Variants in PTPN9 observed in about 807,000 individuals in gnomAD.
The protein encoded by PTPN9 is tyrosine-protein phosphatase non-receptor type 9.
A neutral mutation model predicts 69.8 loss-of-function variants in PTPN9; 26 were observed. The ratio of observed to expected loss-of-function variants is 0.37; its 90% CI spans 0.27 to 0.52. The LOEUF (loss-of-function observed/expected upper bound fraction) is 0.52. Among genes scored for constraint, PTPN9 ranks in the 20% least tolerant of loss-of-function variants. The pLI is 0.91. For synonymous variants in PTPN9, 274 were observed against 272.5 expected, an observed-to-expected ratio of 1.01 and a Z score of -0.05; for missense variants, 549 against 740.3, an observed-to-expected ratio of 0.74 and a Z score of 3.00.
At chr15:75,557,445 A>C (rs934894333) in intron 1 of PTPN9, among the ~76,000 whole-genome samples, 31 of 151,932 alleles carry the variant, frequency 2.0e-4, no homozygotes, top group African/African-American at 7.5e-4. Context: ...ACACAAAAAA[A>C]CAAAAAAGAG....
intron 7 of PTPN9, among the ~76,000 whole-genome samples, chr15:75,502,533 G>C: frequency 6.6e-6 from 1 of 151,662 alleles, no homozygotes; most frequent in East Asian, 1.9e-4. Flanking sequence ...GTGTGGGTGT[G>C]TATATATATA....
chr15:75,556,689 T>C (rs1290621072), intron 1 of PTPN9, among the ~76,000 whole-genome samples: 1 of 152,208 alleles, frequency 6.6e-6, no homozygotes, highest in East Asian at 1.9e-4. Context: ...ATTTTCTTTA[T>C]TGTGGTAAAA....
At chr15:75,504,284 G>A (rs1457152568) in intron 7 of PTPN9, among the ~76,000 whole-genome samples, 42 of 126,228 alleles carry the variant, frequency 3.3e-4, no homozygotes, top group South Asian at 5.2e-4. Context: ...CCGGCCAGCC[G>A]CCCCGTCCGG....
chr15:75,578,951 A>C lies in PTPN9; in HGVS notation c.-175T>G, dbSNP rs958519903. 6.5e-6 allele frequency: 2 copies of C among 310,060 alleles called. No homozygotes were observed. The highest frequency in any genetic ancestry group is 1.2e-5 in the Non-Finnish European group (2 of 172,812). 19.2% of individuals were successfully genotyped at this position (310,060 alleles called of 1,614,324 possible). A position where few individuals can be genotyped will look rare whatever the true frequency, so the allele number is the denominator to read the frequency against. On this transcript the variant is annotated 5_prime_UTR_variant, in exon 1 of 13. Coordinates refer to ENST00000618819, the MANE Select transcript of PTPN9 (RefSeq NM_002833.4). Reference sequence around the variant, plus strand: ...CGCAAACGCCGCTTCTGCTTCCTTAAGAAAAATCTCTCCGAACTGCCGCTC... The same window carrying C: ...CGCAAACGCCGCTTCTGCTTCCTTACGAAAAATCTCTCCGAACTGCCGCTC...
chr15:75,562,858 T>C (rs1160365542), intron 1 of PTPN9, among the ~76,000 whole-genome samples: 2 of 151,216 alleles, frequency 1.3e-5, no homozygotes. Context: ...TCGTAGGCTA[T>C]GTGAAGAATA....
intron 7 of PTPN9, among the ~76,000 whole-genome samples, chr15:75,500,041 T>C (rs1477268309): frequency 6.6e-6 from 1 of 151,902 alleles, no homozygotes; most frequent in Non-Finnish European, 1.5e-5. Context: ...AGGCCAGGCA[T>C]GGTGGCTCAC....
chr15:75,497,231 T>A (rs1825707014), intron 7 of PTPN9, among the ~76,000 whole-genome samples: 1 of 152,170 alleles, frequency 6.6e-6, no homozygotes, highest in South Asian at 2.1e-4. Flanking sequence ...GGCTCATGCC[T>A]AAAATCCTAG....
At chr15:75,549,818 TA>T (rs929087054) in intron 1 of PTPN9, among the ~76,000 whole-genome samples, 6 of 151,900 alleles carry the variant, frequency 3.9e-5, no homozygotes, top group African/African-American at 1.5e-4. Context: ...CTACTAAAAT[TA>T]AAAAATTAGC....
chr15:75,530,375 G>GAT (rs1255069360), intron 1 of PTPN9, among the ~76,000 whole-genome samples: 7 of 120,174 alleles, frequency 5.8e-5, no homozygotes, highest in South Asian at 2.4e-4. Context: ...CTCTATAATA[G>GAT]ATATATATAT....
chr15:75,494,303 A>G (rs1190659575), intron 7 of PTPN9, among the ~76,000 whole-genome samples: 1 of 151,738 alleles, frequency 6.6e-6, no homozygotes, highest in East Asian at 1.9e-4. Flanking sequence ...CAAGTAACCA[A>G]TGTAATAAAT....
intron 8 of PTPN9, among the ~76,000 whole-genome samples, chr15:75,486,189 G>A (rs2074676230): frequency 6.6e-6 from 1 of 151,940 alleles, no homozygotes; most frequent in Admixed American, 6.6e-5. Context: ...AACAAACCCG[G>A]AACACTATGT....
chr15:75,510,728 A>G (rs576248508), intron 5 of PTPN9, among the ~76,000 whole-genome samples: 1 of 152,228 alleles, frequency 6.6e-6, no homozygotes, highest in South Asian at 2.1e-4. Flanking sequence ...AATATACACA[A>G]CAAAATTGAC....
chr15:75,470,700 G>A lies in PTPN9; in HGVS notation c.1339C>T (p.Leu447=), dbSNP rs2074559261. Residue 447 remains leucine (L), a synonymous_variant, in exon 11 of 13, where the codon CTA becomes TTA. Coordinates refer to ENST00000618819, the MANE Select transcript of PTPN9 (RefSeq NM_002833.4). ...ENMNHYKKTT[L]EIHNTEERQK... is the part of the protein sequence containing the mutation. ...TTTACCTCTGTGTTGTGAATTTCTA[G>A]CGTTGTTTTCTTATAATGATTCATG... is the stretch of plus-strand genomic sequence containing the variant. 6.2e-7 allele frequency: 1 copy of A among 1,614,136 alleles called. No individual in the cohort carries two copies. Among genetic ancestry groups the A allele is most frequent in the East Asian group, 2.2e-5 (1 of 44,874 alleles).
intron 1 of PTPN9, among the ~76,000 whole-genome samples, chr15:75,574,277 C>T (rs1470333127): frequency 6.7e-6 from 1 of 149,518 alleles, no homozygotes; most frequent in Admixed American, 6.7e-5. Flanking sequence ...AAAGTGAGAT[C>T]CTGTCTCCAC....
At chr15:75,564,500 G>A (rs1033295821) in intron 1 of PTPN9, among the ~76,000 whole-genome samples, 7 of 151,794 alleles carry the variant, frequency 4.6e-5, no homozygotes, top group African/African-American at 1.7e-4. Context: ...GGAGGCTGAG[G>A]CAGGAGAATG....
At chr15:75,560,670 G>A (rs200785670) in intron 1 of PTPN9, among the ~76,000 whole-genome samples, 18 of 152,104 alleles carry the variant, frequency 1.2e-4, no homozygotes, top group East Asian at 3.9e-4. Context: ...CCAGGAGCAC[G>A]AGACCAGCCT....
chr15:75,500,497 C>T (rs1439970480), intron 7 of PTPN9, among the ~76,000 whole-genome samples: 1 of 152,010 alleles, frequency 6.6e-6, no homozygotes, highest in African/African-American at 2.4e-5. Context: ...GAAATCATAC[C>T]ATTGCACTCC....
chr15:75,508,058 A>G (rs568215215), intron 6 of PTPN9, among the ~76,000 whole-genome samples: 13 of 151,512 alleles, frequency 8.6e-5, no homozygotes, highest in Admixed American at 3.3e-4. Flanking sequence ...AAAAAAAAAA[A>G]AAAAAAGAAA....
chr15:75,482,584 AAAAAAAAG>A (rs2074646974), intron 8 of PTPN9, among the ~76,000 whole-genome samples: 1 of 147,904 alleles, frequency 6.8e-6, no homozygotes, highest in Admixed American at 6.7e-5. Flanking sequence ...AAAAAAAAAA[AAAAAAAAG>A]AGTCATCACC....
Sources: allele counts gnomAD v4.1 joint callset (sites outside exome capture counted in the v4.1 genomes callset), GRCh38; gene constraint gnomAD v4.1.1; transcripts MANE v1.5; gene names NCBI Gene and HGNC (gene_info 2026-07-23, HGNC 2026-07-21).